The following TSNAX variants were observed in gnomAD, a reference collection of about 807,000 sequenced individuals.
TSNAX encodes translin-associated protein X.
TSNAX carries 12 observed loss-of-function variants against 33.0 expected under a neutral mutation model. The ratio of observed to expected loss-of-function variants is 0.36; its 90% confidence interval spans 0.23 to 0.59. The LOEUF (loss-of-function observed/expected upper bound fraction) is 0.59. TSNAX is among the 20% of genes least tolerant of loss of function. TSNAX has a pLI of 0.74. For missense variants in TSNAX, 267 were observed against 341.3 expected, an observed-to-expected ratio of 0.78 and a Z score of 1.72; for synonymous variants, 110 against 117.2, an observed-to-expected ratio of 0.94 and a Z score of 0.40.
intron 4 of TSNAX, among the ~76,000 whole-genome samples, chr1:231,554,465 C>T (rs1660564434): frequency 6.6e-6 from 1 of 152,138 alleles, no homozygotes; most frequent in South Asian, 2.1e-4. Flanking sequence ...TCCCCACCCT[C>T]AGAGTTCTAG....
Position 231,564,987 on chromosome 1 carries a change from CTTTA to C in TSNAX, c.*85_*88del. On this transcript the variant is annotated 3_prime_UTR_variant, in exon 6 of 6. Coordinates refer to ENST00000366639, the MANE Select transcript of TSNAX (RefSeq NM_005999.3). ...AAGACTTATTTAGTATTTCATTTAACTTTATTGTGGCTTTTACATAGAAACATAT... is the reference window on the plus strand; with the variant it reads ...AAGACTTATTTAGTATTTCATTTAACTTGTGGCTTTTACATAGAAACATAT... The C allele has an allele frequency of 1.4e-6, 2 of 1,478,956 alleles. No individual in the cohort carries two copies. Among genetic ancestry groups the C allele is most frequent in the East Asian group, 4.6e-5 (2 of 43,708 alleles). 91.6% of individuals were successfully genotyped at this position (1,478,956 alleles called of 1,614,324 possible).
chr1:231,539,210 T>C (rs1002646794), intron 3 of TSNAX, among the ~76,000 whole-genome samples: 4 of 152,178 alleles, frequency 2.6e-5, no homozygotes, highest in South Asian at 2.1e-4. Context: ...GACACTTTTT[T>C]TTAGTACTTA....
intron 4 of TSNAX, among the ~76,000 whole-genome samples, chr1:231,545,576 A>C (rs1659850859): frequency 6.6e-6 from 1 of 152,148 alleles, no homozygotes; most frequent in Non-Finnish European, 1.5e-5. Flanking sequence ...TTGTTGAAAA[A>C]TTAACAGTTT....
chr1:231,547,389 C>CTTTT (rs71179784), intron 4 of TSNAX, among the ~76,000 whole-genome samples: 15 of 104,692 alleles, frequency 1.4e-4, no homozygotes, highest in Non-Finnish European at 2.1e-4. Context: ...TTTTTTTTTT[C>CTTTT]TTTTTTTTTT....
chr1:231,550,808 C>A (rs534759547), intron 4 of TSNAX, among the ~76,000 whole-genome samples: 7 of 152,268 alleles, frequency 4.6e-5, no homozygotes, highest in African/African-American at 1.4e-4. Context: ...CTGTGTGAAT[C>A]CCCTACATTG....
At chr1:231,543,150 C>CA in intron 4 of TSNAX, among the ~76,000 whole-genome samples, 1 of 151,572 alleles carries the variant, frequency 6.6e-6, no homozygotes, top group East Asian at 1.9e-4. Flanking sequence ...TGCACTCCAG[C>CA]CTGGGCGTCA....
chr1:231,546,358 A>C (rs1389306492), intron 4 of TSNAX, among the ~76,000 whole-genome samples: 6 of 152,230 alleles, frequency 3.9e-5, no homozygotes, highest in Non-Finnish European at 7.3e-5. Context: ...AAAGAAAGCA[A>C]GTTTCCAGGA....
At chr1:231,558,314 A>G (rs1225888254) in intron 4 of TSNAX, among the ~76,000 whole-genome samples, 1 of 152,156 alleles carries the variant, frequency 6.6e-6, no homozygotes. Flanking sequence ...CCCCATACTC[A>G]GGGCTGTGAA....
chr1:231,531,426 A>T (rs201641466), intron 2 of TSNAX, among the ~76,000 whole-genome samples: 11 of 152,290 alleles, frequency 7.2e-5, no homozygotes, highest in Non-Finnish European at 1.0e-4. Context: ...TGCTTTCATA[A>T]GTTTTTTACA....
intron 4 of TSNAX, among the ~76,000 whole-genome samples, chr1:231,543,850 C>T (rs59425360): frequency 0.029 from 4,414 of 152,136 alleles, 247 homozygotes; most frequent in African/African-American, 0.1. Flanking sequence ...TATTTGATTT[C>T]TTAATAATAG....
chr1:231,564,483 G>C (rs1558141006), intron 5 of TSNAX, 45 bp from the exon 6 acceptor site: 1 of 1,346,570 alleles, frequency 7.4e-7, no homozygotes, highest in Admixed American at 2.2e-5. Flanking sequence ...GTTCTTTCTT[G>C]TGTGTGTGTG....
chr1:231,542,657 G>A (rs1360188585), intron 4 of TSNAX, 46 bp downstream of exon 4: 1 of 1,574,224 alleles, frequency 6.4e-7, no homozygotes, highest in East Asian at 2.3e-5. Flanking sequence ...TAAATGGTGT[G>A]CTACATGATT....
chr1:231,544,469 A>G (rs1341408633), intron 4 of TSNAX, among the ~76,000 whole-genome samples: 1 of 152,210 alleles, frequency 6.6e-6, no homozygotes, highest in Non-Finnish European at 1.5e-5. Context: ...AAAAATTCAC[A>G]TATTTTCCCC....
chr1:231,543,752 A>C (rs1297601422), intron 4 of TSNAX, among the ~76,000 whole-genome samples: 1 of 152,230 alleles, frequency 6.6e-6, no homozygotes, highest in African/African-American at 2.4e-5. Flanking sequence ...TTGGAAACTG[A>C]AGTGTAAAAC....
At chr1:231,559,258 G>A (rs1252016450) in intron 4 of TSNAX, among the ~76,000 whole-genome samples, 1 of 151,814 alleles carries the variant, frequency 6.6e-6, no homozygotes, top group Non-Finnish European at 1.5e-5. Context: ...CTTTTTCCCT[G>A]TATCACCTTT....
At chr1:231,552,093 C>G (rs540253283) in intron 4 of TSNAX, among the ~76,000 whole-genome samples, 1 of 152,116 alleles carries the variant, frequency 6.6e-6, no homozygotes, top group Non-Finnish European at 1.5e-5. Flanking sequence ...GTCGGGAGTT[C>G]GAGACCAGCC....
intron 3 of TSNAX, among the ~76,000 whole-genome samples, chr1:231,541,288 T>TC (rs1449508149): frequency 5.3e-5 from 8 of 152,220 alleles, no homozygotes; most frequent in Non-Finnish European, 7.4e-5. Flanking sequence ...CTTTGTACAA[T>TC]ACTGTGTTTA....
chr1:231,538,911 G>A (rs557364204), intron 3 of TSNAX, among the ~76,000 whole-genome samples: 2 of 143,760 alleles, frequency 1.4e-5, no homozygotes, highest in South Asian at 4.4e-4. Flanking sequence ...CAGCCTGGGC[G>A]ACAGAATGAG....
At chr1:231,561,765 C>G (rs549169196) in intron 5 of TSNAX, among the ~76,000 whole-genome samples, 1 of 152,256 alleles carries the variant, frequency 6.6e-6, no homozygotes, top group East Asian at 1.9e-4. Context: ...ACAGGGATCC[C>G]TTGCATCAGG....
Sources: allele counts gnomAD v4.1 joint callset (sites outside exome capture counted in the v4.1 genomes callset), GRCh38; gene constraint gnomAD v4.1.1; transcripts MANE v1.5; gene names NCBI Gene and HGNC (gene_info 2026-07-23, HGNC 2026-07-21).